Variants in ADA2 observed in about 807,000 individuals in gnomAD.
ADA2 encodes adenosine deaminase CECR1.
A neutral mutation model predicts 44.2 loss-of-function variants in ADA2; 29 were observed. The observed-to-expected ratio is 0.66, with a 90% CI of 0.49 to 0.89. ADA2 has a LOEUF of 0.89. Among genes scored for constraint, ADA2 ranks in the 40% least tolerant of loss-of-function variants. The pLI, the probability that ADA2 is intolerant of heterozygous loss-of-function variation, is 0.00. For missense variants in ADA2, 637 were observed against 644.8 expected (o/e 0.99, Z 0.13); for synonymous variants, 215 against 234.9 (o/e 0.92, Z 0.77).
intron 7 of ADA2, among the ~76,000 whole-genome samples, chr22:17,184,126 AT>A (rs35520208): frequency 6.3e-4 from 90 of 143,030 alleles, no homozygotes; most frequent in African/African-American, 7.2e-4. Flanking sequence ...CACCCAGCTG[AT>A]TTTTTTTTTT....
upstream of ADA2, among the ~76,000 whole-genome samples, chr22:17,219,919 G>A (rs145105812): frequency 0.14 from 21,774 of 151,710 alleles, 1,828 homozygotes; most frequent in East Asian, 0.34. Flanking sequence ...CAGGTGATCC[G>A]CCCACCTCGG....
chr22:17,199,449 A>ATCCACTTCCCCACCC, intron 4 of ADA2: 2 of 350,738 alleles, frequency 5.7e-6, no homozygotes, highest in Non-Finnish European at 9.3e-6. Context: ...CTTCCCCTCC[A>ATCCACTTCCCCACCC]CCCACGAAGA....
chr22:17,199,276 C>T (rs1425733102), intron 4 of ADA2, among the ~76,000 whole-genome samples: 2 of 152,144 alleles, frequency 1.3e-5, no homozygotes, highest in East Asian at 3.9e-4. Context: ...GAGAAAATGG[C>T]CACCTGCAGA....
chr22:17,206,249 G>A (rs909014477), intron 3 of ADA2, among the ~76,000 whole-genome samples: 9 of 152,070 alleles, frequency 5.9e-5, no homozygotes, highest in Non-Finnish European at 1.3e-4. Flanking sequence ...CTGAGGTCAG[G>A]AGTTCAAGAC....
intron 7 of ADA2, among the ~76,000 whole-genome samples, chr22:17,186,607 G>C (rs1368808511): frequency 1.3e-5 from 2 of 150,840 alleles, no homozygotes. Context: ...CGTGGCTCAA[G>C]CCTGTAATCC....
chr22:17,202,465 C>T (rs1399589437), intron 4 of ADA2, among the ~76,000 whole-genome samples: 1 of 152,100 alleles, frequency 6.6e-6, no homozygotes, highest in Non-Finnish European at 1.5e-5. Context: ...TGGAATTTCG[C>T]CATGTTGACC....
upstream of ADA2, among the ~76,000 whole-genome samples, chr22:17,220,700 C>G (rs2062516809): frequency 6.6e-6 from 1 of 152,122 alleles, no homozygotes; most frequent in Non-Finnish European, 1.5e-5. Flanking sequence ...AATCTACCCC[C>G]AAGACCCCAA....
intron 6 of ADA2, chr22:17,188,868 A>AAAAAAAAATATATATATATATAT: frequency 4.9e-5 from 4 of 81,128 alleles, no homozygotes; most frequent in Non-Finnish European, 1.1e-4. Flanking sequence ...AAGAGCAAAA[A>AAAAAAAAATATATATATATATAT]ATATATATAT....
intron 1 of ADA2, among the ~76,000 whole-genome samples, chr22:17,219,029 T>G (rs1283299539): frequency 6.6e-6 from 1 of 152,056 alleles, no homozygotes; most frequent in Admixed American, 6.6e-5. Flanking sequence ...TGGTGGTGGG[T>G]GCCTGTAATC....
intron 4 of ADA2, chr22:17,199,653 G>A: frequency 6.2e-7 from 1 of 1,612,580 alleles, no homozygotes; most frequent in Non-Finnish European, 8.5e-7. Flanking sequence ...TGGCTATTAG[G>A]ACGCTCAGAG....
chr22:17,199,442 C>CCCCTCCCACCCCTCCTCTATCCACTTA, intron 4 of ADA2: 2 of 1,022,720 alleles, frequency 2.0e-6, no homozygotes, highest in African/African-American at 1.6e-5. Context: ...CTATCCTCTT[C>CCCCTCCCACCCCTCCTCTATCCACTTA]CCCTCCACCC....
chr22:17,199,431 T>TCAATCCTCTTCCCCTCCCTCCCCACCA, intron 4 of ADA2: 1 of 930,074 alleles, frequency 1.1e-6, no homozygotes, highest in Non-Finnish European at 1.7e-6. Context: ...CCTCCCCTCC[T>TCAATCCTCTTCCCCTCCCTCCCCACCA]CTATCCTCTT....
chr22:17,210,529 C>T (rs1476435277), intron 1 of ADA2, among the ~76,000 whole-genome samples: 1 of 151,812 alleles, frequency 6.6e-6, no homozygotes, highest in Non-Finnish European at 1.5e-5. Flanking sequence ...GTCAAACAAG[C>T]CCTGGCTCAT....
At chr22:17,199,568 A>T (rs1310937840) in intron 4 of ADA2, 1 of 1,613,168 alleles carries the variant, frequency 6.2e-7, no homozygotes, top group South Asian at 1.1e-5. Flanking sequence ...GTTCCATTCC[A>T]GGGAATCCAT....
chr22:17,181,972 C>T lies in ADA2; in HGVS notation c.1290G>A (p.Met430Ile). ...TGATCACCATGGGGTGCCCAGTGGCCATCAGAGTGGCTACAGGGTGGTTCC... is the reference window on the plus strand; with the variant it reads ...TGATCACCATGGGGTGCCCAGTGGCTATCAGAGTGGCTACAGGGTGGTTCC... The part of the protein sequence containing the change: ...DLRNHPVATL[M>I]ATGHPMVISS... Residue 430 changes from methionine to isoleucine, a missense_variant, in exon 9 of 10, where the codon ATG (methionine) becomes ATA (isoleucine). By Grantham distance (10) the Met-to-Ile change is conservative. Transcript: ENST00000399837. 1 of 1,614,162 alleles carries T rather than the reference C, an allele frequency of 6.2e-7. No homozygotes were observed. The highest frequency in any genetic ancestry group is 1.7e-4 in the Middle Eastern group (1 of 6,060).
At chr22:17,215,719 C>T (rs1238819700) in intron 1 of ADA2, among the ~76,000 whole-genome samples, 1 of 152,060 alleles carries the variant, frequency 6.6e-6, no homozygotes, top group Non-Finnish European at 1.5e-5. Flanking sequence ...CCGTATGTTC[C>T]CACTCATGTG....
In ADA2 at chr22:17,187,328, T is replaced by C. The variant is rs147825493; in HGVS notation, c.1081+1011A>G. ...AGCCACTGTACCTGGCTAAAACACT[T>C]TTTTTTTTGAGACAGGGTCTAGCTC... is the stretch of plus-strand genomic sequence containing the variant. On this transcript the variant is annotated intron_variant, in intron 7 of 9. Coordinates refer to ENST00000399837, the MANE Select transcript of ADA2 (RefSeq NM_001282225.2). 8.0e-5 allele frequency among the ~76,000 whole-genome samples: 12 copies of C among 150,930 alleles called. No individual in the cohort carries two copies. The East Asian group carries it at 2.3e-3, about 29-fold the overall frequency.
chr22:17,184,840 G>A (rs1272283879), intron 7 of ADA2, among the ~76,000 whole-genome samples: 1 of 148,878 alleles, frequency 6.7e-6, no homozygotes, highest in Non-Finnish European at 1.5e-5. Context: ...GAGGTGGAAG[G>A]ATAACCTGAA....
intron 4 of ADA2, among the ~76,000 whole-genome samples, chr22:17,194,113 A>G (rs2123663308): frequency 6.6e-6 from 1 of 152,220 alleles, no homozygotes; most frequent in South Asian, 2.1e-4. Flanking sequence ...TGGATGGGTC[A>G]GAGAAGGTTG....
Sources: allele counts gnomAD v4.1 joint callset (sites outside exome capture counted in the v4.1 genomes callset), GRCh38; gene constraint gnomAD v4.1.1; transcripts MANE v1.5; gene names NCBI Gene and HGNC (gene_info 2026-07-23, HGNC 2026-07-21).